PPP1R1C: variants seen among roughly 807,000 people sequenced by gnomAD.
PPP1R1C encodes the protein protein phosphatase 1 regulatory inhibitor subunit 1C.
In PPP1R1C, 15 loss-of-function variants were observed where a neutral mutation model predicts 17.4. The ratio of observed to expected loss-of-function variants is 0.86; its 90% CI spans 0.58 to 1.33. PPP1R1C has a LOEUF of 1.33. PPP1R1C is among the 40% of genes most tolerant of loss of function. The pLI, the probability that PPP1R1C is intolerant of heterozygous loss-of-function variation, is 0.00. For synonymous variants in PPP1R1C, 35 were observed against 43.1 expected (o/e 0.81, Z 0.73); for missense variants, 143 against 130.0 (o/e 1.10, Z -0.48).
Position 181,960,694 on chromosome 2 carries a change from A to G in PPP1R1C, n.111+6060A>G, listed in dbSNP as rs538098825. On this transcript the variant is annotated intron_variant and non_coding_transcript_variant, in intron 1 of 5. Coordinates refer to the PPP1R1C transcript ENST00000464264. ...GTTTTTTGATGTTTGTGTCCTTTTT[A>G]TGCAGTCTCTCCACTTACAGGCAAC... Among the ~76,000 whole-genome samples, 8 of 152,198 alleles carry G rather than the reference A, an allele frequency of 5.3e-5. No homozygotes were observed. In the South Asian group the frequency reaches 1.7e-3, roughly 32 times the overall value.
intron 1 of PPP1R1C, among the ~76,000 whole-genome samples, chr2:181,960,083 G>T (rs1264175306): frequency 6.6e-6 from 1 of 152,154 alleles, no homozygotes; most frequent in Non-Finnish European, 1.5e-5. Flanking sequence ...GTGGATACCT[G>T]TATAAAGCAT....
chr2:182,021,216 T>C (rs1686413005), intron 2 of PPP1R1C, among the ~76,000 whole-genome samples: 1 of 152,062 alleles, frequency 6.6e-6, no homozygotes, highest in African/African-American at 2.4e-5. Flanking sequence ...CTTAATTGTT[T>C]AGGAAGAAGT....
intron 2 of PPP1R1C, among the ~76,000 whole-genome samples, chr2:182,040,643 A>G (rs1026790329): frequency 1.3e-5 from 2 of 152,104 alleles, no homozygotes; most frequent in African/African-American, 2.4e-5. Flanking sequence ...TGCCATGTAC[A>G]AGCTTTTTGG....
At chr2:182,082,977 A>G (rs1438065069) in intron 4 of PPP1R1C, among the ~76,000 whole-genome samples, 1 of 152,176 alleles carries the variant, frequency 6.6e-6, no homozygotes, top group African/African-American at 2.4e-5. Context: ...ATTTGGGAAC[A>G]CTGTTAGATA....
chr2:182,077,316 C>T (rs1054345220), intron 4 of PPP1R1C, among the ~76,000 whole-genome samples: 3 of 152,036 alleles, frequency 2.0e-5, no homozygotes, highest in Non-Finnish European at 2.9e-5. Flanking sequence ...AAAGGAGAAA[C>T]GCCTGATCGT....
At chr2:181,958,351 A>G (rs1684704369) in intron 1 of PPP1R1C, among the ~76,000 whole-genome samples, 1 of 152,188 alleles carries the variant, frequency 6.6e-6, no homozygotes, top group African/African-American at 2.4e-5. Context: ...TTCCTGCTAT[A>G]AGTATGGCCA....
intron 4 of PPP1R1C, among the ~76,000 whole-genome samples, chr2:182,066,026 A>G (rs1011701682): frequency 6.6e-6 from 1 of 152,122 alleles, no homozygotes; most frequent in Non-Finnish European, 1.5e-5. Flanking sequence ...TTCTGATCAG[A>G]AACTTGTGGA....
chr2:182,099,935 A>G lies in PPP1R1C; in HGVS notation c.242-17272A>G, dbSNP rs936036113. On this transcript the variant is annotated intron_variant, in intron 4 of 4. Transcript: ENST00000682840. ...GACCTCTGACCTGCAAGTCTATGAT[A>G]TATATCCCTTAAATAGGTGCCTTGT... Among the ~76,000 whole-genome samples the G allele has an allele frequency of 2.0e-5, 3 of 152,150 alleles. 1 individual carries two copies. Among genetic ancestry groups the G allele is most frequent in the Admixed American group, 1.3e-4 (2 of 15,282 alleles).
At chr2:182,038,274 A>G (rs758086533) in intron 2 of PPP1R1C, among the ~76,000 whole-genome samples, 7 of 152,054 alleles carry the variant, frequency 4.6e-5, no homozygotes, top group Non-Finnish European at 8.8e-5. Flanking sequence ...TCTGAGCTCA[A>G]GCAATCTGCC....
intron 2 of PPP1R1C, among the ~76,000 whole-genome samples, chr2:182,031,894 A>T (rs985423738): frequency 2.0e-5 from 3 of 152,260 alleles, no homozygotes; most frequent in African/African-American, 7.2e-5. Context: ...TGTATGATAA[A>T]GAAATTGTAC....
At chr2:182,041,582 T>C (rs1687183431) in intron 2 of PPP1R1C, among the ~76,000 whole-genome samples, 1 of 124,800 alleles carries the variant, frequency 8.0e-6, no homozygotes, top group Non-Finnish European at 1.6e-5. Context: ...GACTCCAGTC[T>C]AGGATGACAA....
intron 2 of PPP1R1C, among the ~76,000 whole-genome samples, chr2:182,013,446 TTGC>T: frequency 6.6e-6 from 1 of 152,296 alleles, no homozygotes; most frequent in Non-Finnish European, 1.5e-5. Context: ...TTCTTTTCTC[TTGC>T]TGCTTTTAGG....
intron 4 of PPP1R1C, among the ~76,000 whole-genome samples, chr2:182,066,859 T>C (rs1366137082): frequency 6.6e-6 from 1 of 152,058 alleles, no homozygotes. Context: ...TAAATTATTG[T>C]TGGACTGCTT....
At chr2:182,123,140 G>GATGGTTTCC (rs1404913950) in intron 5 of PPP1R1C, among the ~76,000 whole-genome samples, 2 of 152,174 alleles carry the variant, frequency 1.3e-5, no homozygotes, top group East Asian at 1.9e-4. Flanking sequence ...TGCTCAGAAT[G>GATGGTTTCC]ATGGTTTCCA....
At chr2:182,030,471 C>A (rs7606012) in intron 2 of PPP1R1C, among the ~76,000 whole-genome samples, 42 of 148,112 alleles carry the variant, frequency 2.8e-4, no homozygotes, top group Middle Eastern at 3.4e-3. Context: ...AATACCCTGC[C>A]GTGTGAGATG....
intron 2 of PPP1R1C, among the ~76,000 whole-genome samples, chr2:181,980,468 A>C (rs997898615): frequency 2.6e-5 from 4 of 152,198 alleles, no homozygotes; most frequent in Non-Finnish European, 4.4e-5. Flanking sequence ...AAGACTGTCC[A>C]CACTGGGCTG....
chr2:182,014,011 T>A (rs887966640), intron 2 of PPP1R1C, among the ~76,000 whole-genome samples: 1 of 152,248 alleles, frequency 6.6e-6, no homozygotes, highest in African/African-American at 2.4e-5. Flanking sequence ...AGTTTACATA[T>A]CTCTGTCACT....
Position 182,091,406 on chromosome 2 carries a change from T to C in PPP1R1C, c.242-25801T>C, listed in dbSNP as rs941537084. Among the ~76,000 whole-genome samples, 3 of 151,664 alleles carry C rather than the reference T, an allele frequency of 2.0e-5. No individual in the cohort carries two copies. In the East Asian group the frequency reaches 5.8e-4, roughly 29 times the overall value. The stretch of plus-strand genomic sequence containing the variant: ...AGATTGGGGTGTAAATCACACTGGA[T>C]AGGTGGATGAGTGAACAGGCGGTGA... On this transcript the variant is annotated intron_variant, in intron 4 of 4. Coordinates refer to ENST00000682840, the MANE Select transcript of PPP1R1C (RefSeq NM_001080545.3).
chr2:182,057,444 G>A (rs564870441), intron 2 of PPP1R1C, among the ~76,000 whole-genome samples: 23 of 152,198 alleles, frequency 1.5e-4, no homozygotes, highest in African/African-American at 5.5e-4. Flanking sequence ...GAGGGCAGGA[G>A]TTTTCTGGAT....
Sources: allele counts gnomAD v4.1 joint callset (sites outside exome capture counted in the v4.1 genomes callset), GRCh38; gene constraint gnomAD v4.1.1; transcripts MANE v1.5; gene names NCBI Gene and HGNC (gene_info 2026-07-23, HGNC 2026-07-21).